Variants in TET3 observed in about 807,000 individuals in gnomAD.
The protein encoded by TET3 is tet methylcytosine dioxygenase 3.
TET3 carries 19 observed loss-of-function variants against 141.4 expected under a neutral mutation model. That is an observed-to-expected ratio of 0.13 (90% CI 0.09 to 0.20). The LOEUF (loss-of-function observed/expected upper bound fraction) is 0.20, where lower values mean the gene tolerates loss of function less well. TET3 is among the 10% of genes least tolerant of loss of function. The pLI is 1.00. For missense variants in TET3, 1,874 were observed against 2,356.9 expected (o/e 0.80, Z 4.24); for synonymous variants, 1,043 against 980.9 (o/e 1.06, Z -1.18).
chr2:74,017,446 A>G (rs1020239947), intron 3 of TET3, among the ~76,000 whole-genome samples: 1 of 152,098 alleles, frequency 6.6e-6, no homozygotes, highest in Non-Finnish European at 1.5e-5. Context: ...TGTTTCTATG[A>G]GATCAACTTT....
At chr2:74,123,085 A>G in the TET3 span, 1 of 152,246 alleles carries the variant, frequency 6.6e-6, no homozygotes, top group Non-Finnish European at 1.5e-5. Flanking sequence ...GAATCATTTC[A>G]ATAGTTGAAG....
At chr2:74,099,992 GCTGGCAGGCAT>G (rs1691086792) in intron 11 of TET3, among the ~76,000 whole-genome samples, 1 of 152,210 alleles carries the variant, frequency 6.6e-6, no homozygotes, top group Non-Finnish European at 1.5e-5. Flanking sequence ...GGAGACGGTT[GCTGGCAGGCAT>G]CTGAGTTCTC....
rs1691377833 is a variant in TET3, at chr2:74,104,146, A to C, written c.*1970A>C. The C allele has an allele frequency of 6.5e-6, 1 of 153,034 alleles. No homozygotes were observed. The highest frequency in any genetic ancestry group is 2.4e-5 in the African/African-American group (1 of 41,442). The allele number at this position is 153,034 out of a possible 1,614,324, so 9.5% of individuals were successfully genotyped here. On this transcript the variant is annotated 3_prime_UTR_variant, in exon 12 of 12. Transcript: ENST00000409262. The stretch of plus-strand genomic sequence containing the variant: ...GATTTAAACAGCAACTTGAAAAAAA[A>C]AGTATGTTTTAACATGTAATTGTGG...
intron 6 of TET3, among the ~76,000 whole-genome samples, chr2:74,084,661 G>T (rs1213632415): frequency 6.6e-6 from 1 of 152,044 alleles, no homozygotes; most frequent in Non-Finnish European, 1.5e-5. Context: ...CACTGTGTTA[G>T]CCAGGATGGT....
intron 3 of TET3, among the ~76,000 whole-genome samples, chr2:74,025,801 T>C (rs1686315808): frequency 6.6e-6 from 1 of 152,152 alleles, no homozygotes; most frequent in African/African-American, 2.4e-5. Flanking sequence ...TTTTTCCTGA[T>C]ATTTTTAAAG....
intron 4 of TET3, among the ~76,000 whole-genome samples, chr2:74,060,849 A>G (rs1226325984): frequency 1.3e-5 from 2 of 152,266 alleles, no homozygotes; most frequent in African/African-American, 4.8e-5. Context: ...GGGTAAGGTC[A>G]CAGATCAACA....
chr2:74,029,952 A>G (rs1319007679), intron 3 of TET3, among the ~76,000 whole-genome samples: 1 of 152,208 alleles, frequency 6.6e-6, no homozygotes, highest in Non-Finnish European at 1.5e-5. Flanking sequence ...ACATGGGTTT[A>G]TGTTGCCCTG....
At chr2:74,004,486 A>G (rs955523687) in intron 3 of TET3, among the ~76,000 whole-genome samples, 3 of 152,158 alleles carry the variant, frequency 2.0e-5, no homozygotes, top group Admixed American at 6.5e-5. Context: ...GGAGGCCTAG[A>G]TAGTTCCCTG....
In TET3 at chr2:74,107,526, T is replaced by C. The variant is rs1465223770; in HGVS notation, c.*5350T>C. 6.6e-6 allele frequency: 1 copy of C among 152,042 alleles called. No homozygotes were observed. Among genetic ancestry groups the C allele is most frequent in the East Asian group, 1.9e-4 (1 of 5,202 alleles). 9.4% of individuals were successfully genotyped at this position (152,042 alleles called of 1,614,324 possible). ...CCAAATTTTCTTGGTTTCAATACCCTTTTTTTTCTTTTGAGGGGAAAAGAG... is the reference window on the plus strand; with the variant it reads ...CCAAATTTTCTTGGTTTCAATACCCCTTTTTTTCTTTTGAGGGGAAAAGAG... On this transcript the variant is annotated 3_prime_UTR_variant, in exon 12 of 12. Transcript: ENST00000409262.
chr2:74,079,288 A>G (rs1025617824), intron 5 of TET3, among the ~76,000 whole-genome samples: 9 of 152,114 alleles, frequency 5.9e-5, no homozygotes, highest in African/African-American at 2.2e-4. Context: ...GGAGGTTGCA[A>G]TGAGCCGAGA....
At position 74,002,695 on chromosome 2, in the gene TET3, G is replaced by A. The variant is rs192656760; in HGVS notation, c.304-415G>A. The A allele has an allele frequency of 2.7e-3, 1,174 of 429,344 alleles. 4 individuals carry two copies. Among genetic ancestry groups the A allele is most frequent in the Non-Finnish European group, 4.1e-3 (1,005 of 245,458 alleles). The allele number at this position is 429,344 out of a possible 1,614,324, so 26.6% of individuals were successfully genotyped here. A position where few individuals can be genotyped will look rare whatever the true frequency, so the allele number is the denominator to read the frequency against. Reference sequence around the variant, plus strand: ...GCCCCGCGGCGGGGAGGGGAGCGCAGCCGGCAGCTGGCCGCCGCCTCCTCT... The same window carrying A: ...GCCCCGCGGCGGGGAGGGGAGCGCAACCGGCAGCTGGCCGCCGCCTCCTCT... On this transcript the variant is annotated intron_variant, in intron 2 of 11. Coordinates refer to ENST00000409262, the MANE Select transcript of TET3 (RefSeq NM_001287491.2).
chr2:74,049,816 G>C (rs866633435), intron 4 of TET3, among the ~76,000 whole-genome samples: 4 of 152,114 alleles, frequency 2.6e-5, no homozygotes, highest in Non-Finnish European at 4.4e-5. Context: ...TGCAGAACAA[G>C]GAAAATCTGG....
chr2:74,012,532 A>T (rs1481334912), intron 3 of TET3, among the ~76,000 whole-genome samples: 1 of 152,208 alleles, frequency 6.6e-6, no homozygotes, highest in Non-Finnish European at 1.5e-5. Context: ...GGAAACTGAG[A>T]TTCAGTCCAG....
rs1690650064 is a variant in TET3, at chr2:74,093,828, C to T, written c.3267+162C>T. Among the ~76,000 whole-genome samples the T allele has an allele frequency of 6.6e-6, 1 of 152,172 alleles. No individual in the cohort carries two copies. Among genetic ancestry groups the T allele is most frequent in the Admixed American group, 6.5e-5 (1 of 15,280 alleles). Reference sequence around the variant, plus strand: ...CAAGACGGCCTGCCTTCGCCCACCTCCCAGAGAAAACCTCACCAGAAAACC... The same window carrying T: ...CAAGACGGCCTGCCTTCGCCCACCTTCCAGAGAAAACCTCACCAGAAAACC... On this transcript the variant is annotated intron_variant, in intron 10 of 11. Transcript: ENST00000409262. This position sits in a 1 kb window ranked among gnomAD's most constrained non-coding sequence, Gnocchi z 4.2.
intron 6 of TET3, among the ~76,000 whole-genome samples, chr2:74,085,191 A>G (rs1469380535): frequency 1.3e-5 from 2 of 150,416 alleles, no homozygotes; most frequent in Non-Finnish European, 3.0e-5. Flanking sequence ...ATGTTTTTGG[A>G]GAGGGATTTT....
Position 74,101,419 on chromosome 2 carries a change from C to T in TET3, c.4631C>T (p.Ser1544Leu), listed in dbSNP as rs368904136. Residue 1544 changes from serine (S) to leucine (L), a missense_variant, in exon 12 of 12, where the codon TCG (serine) becomes TTG (leucine). This residue lies in a region of TET3 where 602 missense variants were observed against 590.2 expected (regional missense o/e 1.02). Transcript: ENST00000409262. This position sits in a 1 kb window ranked among gnomAD's most constrained non-coding sequence, Gnocchi z 8.5. The part of the protein sequence containing the change: ...PWALGAGDFN[S>L]ALKGSPGFQD... The stretch of plus-strand genomic sequence containing the variant: ...GCGCTGGGGGCAGGGGATTTCAACT[C>T]GGCCCTGAAAGGTAGTCCTGGGTTC... The T allele has an allele frequency of 3.8e-5, 61 of 1,613,770 alleles. No individual in the cohort carries two copies. The highest frequency in any genetic ancestry group is 4.6e-5 in the Non-Finnish European group (54 of 1,179,860).
chr2:74,118,488 GCTTA>G, the TET3 span, among the ~76,000 whole-genome samples: 2 of 151,942 alleles, frequency 1.3e-5, no homozygotes, highest in African/African-American at 4.8e-5. Context: ...CTTTTCTCTG[GCTTA>G]CTTTATTGTA....
chr2:74,133,219 T>C, the TET3 span, among the ~76,000 whole-genome samples: 1 of 152,102 alleles, frequency 6.6e-6, no homozygotes, highest in Non-Finnish European at 1.5e-5. Context: ...CAGCCCGAAG[T>C]TTGGCTCTTC....
In TET3 at chr2:74,046,145, C is replaced by G; in HGVS notation, c.361-133C>G. On this transcript the variant is annotated intron_variant, in intron 3 of 11. Transcript: ENST00000409262. This position sits in a 1 kb window ranked among gnomAD's most constrained non-coding sequence, Gnocchi z 4.3. ...GACATGGGAAGATGAATTGGAGGCT[C>G]AAGAAGTACCAGAGAGAGGATTTGC... is the stretch of plus-strand genomic sequence containing the variant. The G allele has an allele frequency of 1.4e-6, 1 of 718,592 alleles. No homozygotes were observed. The highest frequency in any genetic ancestry group is 2.0e-6 in the Non-Finnish European group (1 of 489,904). The allele number at this position is 718,592 out of a possible 1,614,324, so 44.5% of individuals were successfully genotyped here. A position where few individuals can be genotyped will look rare whatever the true frequency, so the allele number is the denominator to read the frequency against.
Sources: gnomAD v4.1 joint callset for allele counts (sites outside exome capture counted in the v4.1 genomes callset) on GRCh38, gnomAD v4.1.1 for gene constraint, gnomAD v4.1.1 regional missense constraint, Gnocchi (gnomAD v3.1) non-coding constraint, MANE v1.5 for transcripts, NCBI Gene and HGNC (gene_info 2026-07-23, HGNC 2026-07-21) for gene names.